The following GALNT13 variants were observed in gnomAD, a reference collection of about 807,000 sequenced individuals.
GALNT13 encodes polypeptide N-acetylgalactosaminyltransferase 13.
In GALNT13, 28 loss-of-function variants were observed where a neutral mutation model predicts 64.2. The observed-to-expected ratio is 0.44, with a 90% CI of 0.32 to 0.60. The LOEUF (loss-of-function observed/expected upper bound fraction) is 0.60. Ranked by LOEUF, GALNT13 falls within the 20% of genes least tolerant of loss-of-function variation. The pLI is 0.05. For missense variants in GALNT13, 577 were observed against 669.8 expected, an observed-to-expected ratio of 0.86 and a Z score of 1.53; for synonymous variants, 214 against 224.6, an observed-to-expected ratio of 0.95 and a Z score of 0.42.
chr2:153,944,002 T>C (rs1302351521), intron 2 of GALNT13, among the ~76,000 whole-genome samples: 3 of 152,222 alleles, frequency 2.0e-5, no homozygotes, highest in Non-Finnish European at 4.4e-5. Flanking sequence ...GCCACTATAA[T>C]ATATTGTATC....
chr2:153,558,534 T>C, the GALNT13 span, among the ~76,000 whole-genome samples: 2 of 152,200 alleles, frequency 1.3e-5, no homozygotes, highest in Non-Finnish European at 2.9e-5. Context: ...GTACTTTAAG[T>C]AGCAAATTGA....
the GALNT13 span, among the ~76,000 whole-genome samples, chr2:153,638,869 G>A: frequency 3.3e-5 from 5 of 152,094 alleles, no homozygotes; most frequent in African/African-American, 7.2e-5. Flanking sequence ...TGAAAAAAGT[G>A]TCAATTTTTA....
the GALNT13 span, among the ~76,000 whole-genome samples, chr2:153,379,890 T>C: frequency 6.6e-6 from 1 of 152,064 alleles, no homozygotes; most frequent in African/African-American, 2.4e-5. Context: ...GATAGATATA[T>C]CCATAAAGAA....
At chr2:153,989,735 T>C (rs554710524) in intron 3 of GALNT13, among the ~76,000 whole-genome samples, 1 of 152,176 alleles carries the variant, frequency 6.6e-6, no homozygotes, top group African/African-American at 2.4e-5. Flanking sequence ...AATATGCACG[T>C]TCCTTTTCCT....
At chr2:154,019,310 TA>T (rs1342546459) in intron 3 of GALNT13, among the ~76,000 whole-genome samples, 7 of 152,178 alleles carry the variant, frequency 4.6e-5, no homozygotes, top group Non-Finnish European at 7.3e-5. Context: ...TGTTTTGCTA[TA>T]GAAATCATTA....
At chr2:154,287,410 C>T (rs538204525) in intron 8 of GALNT13, 23 of 459,080 alleles carry the variant, frequency 5.0e-5, no homozygotes, top group African/African-American at 3.8e-4. Flanking sequence ...CCATGCTCCT[C>T]CAGCTGCCCC....
intron 8 of GALNT13, among the ~76,000 whole-genome samples, chr2:154,299,481 G>C (rs2105088946): frequency 7.2e-6 from 1 of 138,992 alleles, no homozygotes; most frequent in South Asian, 2.3e-4. Context: ...TTTTGAGACA[G>C]AGTCTCACTC....
the GALNT13 span, among the ~76,000 whole-genome samples, chr2:153,247,651 A>G: frequency 6.6e-6 from 1 of 152,224 alleles, no homozygotes; most frequent in Non-Finnish European, 1.5e-5. Context: ...CACGATTAAA[A>G]TAACTAGACA....
intron 9 of GALNT13, among the ~76,000 whole-genome samples, chr2:154,392,456 T>G (rs1168548542): frequency 1.3e-5 from 2 of 152,162 alleles, no homozygotes; most frequent in Non-Finnish European, 2.9e-5. Flanking sequence ...TAAGTTTCAG[T>G]TCCTTTATAT....
the GALNT13 span, among the ~76,000 whole-genome samples, chr2:153,254,935 T>G: frequency 3.3e-5 from 5 of 152,126 alleles, no homozygotes; most frequent in Admixed American, 3.3e-4. Context: ...CTGAAAAAAA[T>G]GTATATTCTG....
At chr2:153,074,995 A>G in the GALNT13 span, among the ~76,000 whole-genome samples, 1 of 152,186 alleles carries the variant, frequency 6.6e-6, no homozygotes, top group Admixed American at 6.5e-5. Context: ...GGCCTCCCAA[A>G]GTGCTGGGAT....
At chr2:153,793,985 C>T in the GALNT13 span, among the ~76,000 whole-genome samples, 4 of 152,082 alleles carry the variant, frequency 2.6e-5, no homozygotes, top group Non-Finnish European at 5.9e-5. Flanking sequence ...TGTTGTAACA[C>T]CTCTTAGGGC....
the GALNT13 span, among the ~76,000 whole-genome samples, chr2:153,272,165 G>C: frequency 5.9e-5 from 9 of 152,104 alleles, no homozygotes; most frequent in Non-Finnish European, 1.2e-4. Context: ...AACCCTAGAA[G>C]AAAACCTAGG....
chr2:154,183,760 CA>C lies in GALNT13; in HGVS notation c.311+43266del, dbSNP rs201543963. Among the ~76,000 whole-genome samples the C allele has an allele frequency of 2.7e-4, 40 of 146,560 alleles. No homozygotes were observed. In the East Asian group the frequency reaches 4.1e-3, roughly 15 times the overall value. On this transcript the variant is annotated intron_variant, in intron 4 of 12. Transcript: ENST00000392825. ...AACTTGTCAATTTTGATTCTCTTTT[CA>C]AAAAAAAAAATTCTTAGTTTCATTT...
intron 9 of GALNT13, among the ~76,000 whole-genome samples, chr2:154,350,464 T>C (rs531717142): frequency 6.6e-6 from 1 of 152,318 alleles, no homozygotes; most frequent in East Asian, 1.9e-4. Context: ...CACCAGTGGT[T>C]TGCCAGGGGC....
chr2:153,628,658 G>C, the GALNT13 span, among the ~76,000 whole-genome samples: 1 of 152,080 alleles, frequency 6.6e-6, no homozygotes, highest in Non-Finnish European at 1.5e-5. Context: ...TTATTGATTT[G>C]CGTATATTGA....
At chr2:154,210,975 C>A (rs542490222) in intron 4 of GALNT13, among the ~76,000 whole-genome samples, 2 of 151,998 alleles carry the variant, frequency 1.3e-5, no homozygotes, top group Non-Finnish European at 2.9e-5. Context: ...GTTGAAAATA[C>A]GAAGAGAGGC....
the GALNT13 span, among the ~76,000 whole-genome samples, chr2:153,255,604 C>G: frequency 2.6e-5 from 4 of 151,976 alleles, no homozygotes; most frequent in African/African-American, 7.3e-5. Context: ...GCGGCTGGTA[C>G]CGGTTGTTCC....
chr2:153,278,102 A>G, the GALNT13 span, among the ~76,000 whole-genome samples: 2 of 150,144 alleles, frequency 1.3e-5, no homozygotes, highest in African/African-American at 4.9e-5. Context: ...AATTTTTTGT[A>G]TTTTTAATAG....
Sources: allele counts gnomAD v4.1 joint callset (sites outside exome capture counted in the v4.1 genomes callset), GRCh38; gene constraint gnomAD v4.1.1; transcripts MANE v1.5; gene names NCBI Gene and HGNC (gene_info 2026-07-23, HGNC 2026-07-21).